Variants in KDM5C observed in about 807,000 individuals in gnomAD.
KDM5C encodes the protein lysine-specific demethylase 5C.
In KDM5C, 16 loss-of-function variants were observed where a neutral mutation model predicts 110.6. The ratio of observed to expected loss-of-function variants is 0.14; its 90% CI spans 0.10 to 0.22. The LOEUF (loss-of-function observed/expected upper bound fraction) is 0.22. KDM5C is among the 10% of genes least tolerant of loss of function. The probability of loss-of-function intolerance (pLI) is 1.00; values close to 1 mark genes in which losing one functional copy is unlikely to be tolerated. For synonymous variants in KDM5C, 511 were observed against 520.4 expected (o/e 0.98, Z 0.24); for missense variants, 681 against 1,300.9 (o/e 0.52, Z 7.33).
intron 25 of KDM5C, among the ~76,000 whole-genome samples, chrX:53,184,191 GTGT>G (rs1934152834): frequency 8.9e-6 from 1 of 111,995 alleles, no homozygotes; most frequent in African/African-American, 3.3e-5. Context: ...TGCTTTTTAT[GTGT>G]TGATCTTGCA....
rs200372993 is a variant in KDM5C, at chrX:53,214,857, G to A, written c.964-10C>T. On this transcript the variant is annotated splice_polypyrimidine_tract_variant and intron_variant, in intron 7 of 25. Transcript: ENST00000375401. ...AGACATATGACTCAATCTGCCAGGG[G>A]AGAAGAGCAAAAGTTCTCCATTGGA... 1 of 1,209,006 alleles carries A rather than the reference G, an allele frequency of 8.3e-7. No homozygotes were observed. Among genetic ancestry groups the A allele is most frequent in the African/African-American group, 1.7e-5 (1 of 57,237 alleles).
Position 53,218,316 on chromosome X carries a change from T to C in KDM5C, c.311A>G (p.Asn104Ser). 2 of 1,210,799 alleles carry C rather than the reference T, an allele frequency of 1.7e-6. No homozygotes were observed. Among genetic ancestry groups the C allele is most frequent in the Non-Finnish European group, 2.2e-6 (2 of 894,632 alleles). Residue 104 changes from asparagine to serine, a missense_variant, in exon 3 of 26, where the codon AAT becomes AGT. By Grantham distance (46) the Asn-to-Ser change is conservative. Around this residue, in one of 14 missense-constraint regions of KDM5C, gnomAD observed 55 missense variants for 118.0 expected, o/e 0.47. Transcript: ENST00000375401. ...GAGGTCCAAGATCCGCCGTTCTACA[T>C]TGGGAATCTTTAAGGAGGAGCCCTG... The part of the protein sequence containing the change: ...EIQGSSLKIP[N>S]VERRILDLYS...
At chrX:53,205,742 T>C (rs1556844876) in intron 12 of KDM5C, among the ~76,000 whole-genome samples, 1 of 112,428 alleles carries the variant, frequency 8.9e-6, no homozygotes, top group African/African-American at 3.2e-5. Flanking sequence ...CAGCTATGCA[T>C]ACACAAACGC....
intron 17 of KDM5C, 74 bp downstream of exon 17, chrX:53,198,416 C>T: frequency 2.7e-6 from 3 of 1,109,965 alleles, no homozygotes; most frequent in Non-Finnish European, 3.7e-6. Flanking sequence ...TCACAGTCTA[C>T]CCCTTGCAGC....
Position 53,210,492 on chromosome X carries a change from T to C in KDM5C, c.1668A>G (p.Leu556=). Residue 556 remains leucine, a synonymous_variant, in exon 12 of 26, where the codon CTA becomes CTG. Transcript: ENST00000375401. ...GCAGGAGGTCAGGCTGGCTATCAAA[T>C]AGTTCAGGTGTCAGCTTCTTCATCA... is the stretch of plus-strand genomic sequence containing the variant. ...EEVMKKLTPE[L]FDSQPDLLHQ... 8.3e-7 allele frequency: 1 copy of C among 1,211,930 alleles called. No individual in the cohort carries two copies. Among genetic ancestry groups the C allele is most frequent in the Non-Finnish European group, 1.1e-6 (1 of 895,535 alleles).
At chrX:53,217,580 T>A (rs1482584361) in intron 4 of KDM5C, among the ~76,000 whole-genome samples, 1 of 112,128 alleles carries the variant, frequency 8.9e-6, no homozygotes, top group Non-Finnish European at 1.9e-5. Context: ...GATTTCTCTA[T>A]CAGTTAAAAC....
At chrX:53,216,792 G>T (rs2073754843) in intron 5 of KDM5C, among the ~76,000 whole-genome samples, 2 of 111,958 alleles carry the variant, frequency 1.8e-5, no homozygotes, top group Admixed American at 1.9e-4. Flanking sequence ...CTCCAGTCTG[G>T]GCGACATAGC....
chrX:53,211,545 G>A lies in KDM5C; in HGVS notation c.1353C>T (p.Ser451=), dbSNP rs199422237. 5 of 1,209,973 alleles carry A rather than the reference G, an allele frequency of 4.1e-6. No individual in the cohort carries two copies. In the Admixed American group the frequency reaches 6.6e-5, roughly 16 times the overall value. ...GTTTACTGTCACTGACAGGGAAACC[G>A]CTGCCAAATTCTTTGGAATGGATGT... ...GADIHSKEFG[S]GFPVSDSKRH... The change falls in exon 10 of 26, where the codon AGC becomes AGT. Residue 451 remains serine, a synonymous_variant. Transcript: ENST00000375401.
At chrX:53,182,073 C>CAACCG (rs1934078066) in intron 25 of KDM5C, among the ~76,000 whole-genome samples, 1 of 109,936 alleles carries the variant, frequency 9.1e-6, no homozygotes, top group Non-Finnish European at 1.9e-5. Flanking sequence ...CAGGCATGAG[C>CAACCG]CACCCTTTTT....
intron 8 of KDM5C, among the ~76,000 whole-genome samples, chrX:53,213,768 T>C (rs1159916310): frequency 9.0e-6 from 1 of 111,662 alleles, no homozygotes; most frequent in African/African-American, 3.3e-5. Flanking sequence ...TTCCAGACCT[T>C]AATTAAACTT....
At chrX:53,218,816 C>T (rs2073821996) in intron 2 of KDM5C, 2 of 258,940 alleles carry the variant, frequency 7.7e-6, no homozygotes, top group African/African-American at 2.9e-5. Context: ...TCAAGCAATC[C>T]ATCCACTTCG....
chrX:53,186,958 T>C (rs1264444394), downstream of KDM5C, among the ~76,000 whole-genome samples: 1 of 112,171 alleles, frequency 8.9e-6, no homozygotes, highest in African/African-American at 3.2e-5. Flanking sequence ...GATATTCACG[T>C]CCCACATAAA....
chrX:53,206,419 A>C (rs1276774753), intron 12 of KDM5C, among the ~76,000 whole-genome samples: 1 of 111,611 alleles, frequency 9.0e-6, no homozygotes, highest in African/African-American at 3.3e-5. Flanking sequence ...AATTTACTGG[A>C]TTGTGTACTT....
chrX:53,205,184 T>C (rs1481577095), intron 12 of KDM5C, among the ~76,000 whole-genome samples: 1 of 112,106 alleles, frequency 8.9e-6, no homozygotes, highest in African/African-American at 3.2e-5. Flanking sequence ...CACAGTGAAG[T>C]AGGTACAGTG....
rs1295405464 is a variant in KDM5C, at chrX:53,221,581, G to A, written c.151-665C>T. 18 of 379,365 alleles carry A rather than the reference G, an allele frequency of 4.7e-5. No homozygotes were observed. The East Asian group carries it at 1.6e-3, about 34-fold the overall frequency. 31.3% of individuals were successfully genotyped at this position (379,365 alleles called of 1,213,427 possible). A position where few individuals can be genotyped will look rare whatever the true frequency, so the allele number is the denominator to read the frequency against. On this transcript the variant is annotated intron_variant, in intron 1 of 25. Transcript: ENST00000375401. ...GGTAGCTCAGGTCCGATTGTGGCAG[G>A]ACGTAAAGGTTTGGGCCTTTAATGT...
intron 12 of KDM5C, among the ~76,000 whole-genome samples, chrX:53,206,422 G>T (rs1342989435): frequency 9.0e-6 from 1 of 111,588 alleles, no homozygotes; most frequent in Non-Finnish European, 1.9e-5. Context: ...TTACTGGATT[G>T]TGTACTTAAA....
At chrX:53,188,625 T>C (rs182540593), downstream of KDM5C, among the ~76,000 whole-genome samples, 541 of 111,266 alleles carry the variant, frequency 4.9e-3, 4 homozygotes, top group Non-Finnish European at 6.8e-3. Context: ...TCCGCCCGTC[T>C]CAGCTTCCCA....
At chrX:53,201,515 A>G in intron 14 of KDM5C, 35 bp downstream of exon 14, 1 of 1,193,336 alleles carries the variant, frequency 8.4e-7, no homozygotes, top group Non-Finnish European at 1.1e-6. Context: ...AACTTCCACC[A>G]GAATAGGGTG....
chrX:53,214,069 C>T (rs1325731378), intron 8 of KDM5C, among the ~76,000 whole-genome samples: 1 of 110,293 alleles, frequency 9.1e-6, no homozygotes, highest in East Asian at 2.8e-4. Flanking sequence ...ATCCTCCCAC[C>T]TCAGCCTCCC....
Sources: allele counts gnomAD v4.1 joint callset (sites outside exome capture counted in the v4.1 genomes callset), GRCh38; gene constraint gnomAD v4.1.1; regional missense constraint gnomAD v4.1.1; transcripts MANE v1.5; gene names NCBI Gene and HGNC (gene_info 2026-07-23, HGNC 2026-07-21).